Variants in TENT4B observed in about 807,000 individuals in gnomAD.
TENT4B encodes terminal nucleotidyltransferase 4B.
A neutral mutation model predicts 75.0 loss-of-function variants in TENT4B; 10 were observed. The observed-to-expected ratio is 0.13, with a 90% confidence interval of 0.08 to 0.23. The LOEUF (loss-of-function observed/expected upper bound fraction) is 0.23. Ranked by LOEUF, TENT4B falls within the 10% of genes least tolerant of loss-of-function variation. The probability of loss-of-function intolerance (pLI) is 1.00; values close to 1 mark genes in which losing one functional copy is unlikely to be tolerated. For synonymous variants in TENT4B, 350 were observed against 357.7 expected (o/e 0.98, Z 0.24); for missense variants, 579 against 893.8 (o/e 0.65, Z 4.49).
At chr16:50,218,417 A>C (rs1198106996) in intron 5 of TENT4B, among the ~76,000 whole-genome samples, 1 of 150,770 alleles carries the variant, frequency 6.6e-6, no homozygotes, top group Admixed American at 6.6e-5. Context: ...GTTCACTGCC[A>C]CCTCCGCCTC....
In TENT4B at chr16:50,225,005, T is replaced by C. The variant is rs772428915; in HGVS notation, c.1612+11T>C. 6.2e-7 allele frequency: 1 copy of C among 1,612,272 alleles called. No individual in the cohort carries two copies. The highest frequency in any genetic ancestry group is 8.5e-7 in the Non-Finnish European group (1 of 1,178,550). On this transcript the variant is annotated intron_variant, in intron 9 of 11. Transcript: ENST00000561678. Reference sequence around the variant, plus strand: ...AGCCTTCATGCAATGGTAAGATATTTTCCTTGGTCGATTGACTGAGTATTA... The same window carrying C: ...AGCCTTCATGCAATGGTAAGATATTCTCCTTGGTCGATTGACTGAGTATTA...
intron 1 of TENT4B, among the ~76,000 whole-genome samples, chr16:50,195,045 G>A (rs969513228): frequency 1.3e-5 from 2 of 151,982 alleles, no homozygotes; most frequent in Non-Finnish European, 2.9e-5. Context: ...CACTGCACCC[G>A]GCCTGGCTAA....
intron 1 of TENT4B, among the ~76,000 whole-genome samples, chr16:50,186,236 A>G (rs908745648): frequency 1.3e-5 from 2 of 151,996 alleles, no homozygotes; most frequent in Non-Finnish European, 2.9e-5. Context: ...GATGCTGGCA[A>G]TCACCATTCT....
Position 50,232,544 on chromosome 16 carries a change from G to A in TENT4B, c.*3216G>A, listed in dbSNP as rs140891863. ...CTGCTCCTTCCCTCCCCCATGAAAT[G>A]GTAAGTGTGACTTGTGTTTGCCTGA... On this transcript the variant is annotated 3_prime_UTR_variant, in exon 12 of 12. Transcript: ENST00000561678. The A allele has an allele frequency of 2.0e-6, 2 of 985,176 alleles. No homozygotes were observed. Among genetic ancestry groups the A allele is most frequent in the Non-Finnish European group, 2.4e-6 (2 of 829,926 alleles). The allele number at this position is 985,176 out of a possible 1,614,324, so 61.0% of individuals were successfully genotyped here. A position where few individuals can be genotyped will look rare whatever the true frequency, so the allele number is the denominator to read the frequency against.
chr16:50,194,897 C>T lies in TENT4B; in HGVS notation c.639-16426C>T, dbSNP rs530039846. ...CCAAGTAGCTGGGACTACAGGCGCC[C>T]GCCACCATGCCCGGCTAATTTTTTG... On this transcript the variant is annotated intron_variant, in intron 1 of 11. Transcript: ENST00000561678. Among the ~76,000 whole-genome samples, 14 of 151,560 alleles carry T rather than the reference C, an allele frequency of 9.2e-5. No homozygotes were observed. In the South Asian group the frequency reaches 1.3e-3, roughly 14 times the overall value.
Position 50,225,299 on chromosome 16 carries a change from C to A in TENT4B, c.1800+14C>A, listed in dbSNP as rs758594065. 1.3e-6 allele frequency: 2 copies of A among 1,596,880 alleles called. No individual in the cohort carries two copies. Among genetic ancestry groups the A allele is most frequent in the Non-Finnish European group, 1.7e-6 (2 of 1,169,932 alleles). ...TCTAGTGATGTAGTAAGTATGAAAG[C>A]CTCGGCTCTTCTGAACTCAGATGCA... is the stretch of plus-strand genomic sequence containing the variant. On this transcript the variant is annotated intron_variant, in intron 10 of 11. Transcript: ENST00000561678.
chr16:50,213,339 G>A (rs557914859), intron 2 of TENT4B, among the ~76,000 whole-genome samples: 6 of 152,290 alleles, frequency 3.9e-5, no homozygotes, highest in South Asian at 2.1e-4. Flanking sequence ...GATTACAGGC[G>A]TGAGCCACTG....
intron 1 of TENT4B, among the ~76,000 whole-genome samples, chr16:50,192,549 T>C (rs1402666303): frequency 6.6e-6 from 1 of 152,220 alleles, no homozygotes; most frequent in East Asian, 1.9e-4. Flanking sequence ...CAAGTTACTG[T>C]TGAATATATT....
intron 1 of TENT4B, among the ~76,000 whole-genome samples, chr16:50,190,248 T>C (rs914384636): frequency 6.6e-6 from 1 of 152,102 alleles, no homozygotes; most frequent in Admixed American, 6.5e-5. Context: ...CTACATGATA[T>C]CTACTTGAGC....
chr16:50,164,725 T>C (rs2038066690), intron 1 of TENT4B, among the ~76,000 whole-genome samples: 1 of 152,120 alleles, frequency 6.6e-6, no homozygotes, highest in Non-Finnish European at 1.5e-5. Flanking sequence ...ATTGTGGATA[T>C]ACTTTTTTGA....
Position 50,222,417 on chromosome 16 carries a change from G to A in TENT4B, c.1150G>A (p.Ala384Thr). Residue 384 changes from alanine to threonine, a missense_variant, in exon 6 of 12, where the codon GCA (alanine) becomes ACA (threonine). Physicochemically the swap from Ala to Thr is moderately conservative, Grantham distance 58. Transcript: ENST00000561678. ...GIGSYSLFLMAVSFLQLHPRE... is the reference protein window; with the variant it reads ...GIGSYSLFLMTVSFLQLHPRE... ...TGGTTCTTATAGTCTCTTTTTAATGGCAGTCAGTTTCCTTCAGGTAAGTCA... is the reference window on the plus strand; with the variant it reads ...TGGTTCTTATAGTCTCTTTTTAATGACAGTCAGTTTCCTTCAGGTAAGTCA... The A allele has an allele frequency of 6.2e-7, 1 of 1,613,300 alleles. No individual in the cohort carries two copies. Among genetic ancestry groups the A allele is most frequent in the Non-Finnish European group, 8.5e-7 (1 of 1,179,616 alleles).
chr16:50,172,245 C>G (rs1373108932), intron 1 of TENT4B, among the ~76,000 whole-genome samples: 1 of 151,676 alleles, frequency 6.6e-6, no homozygotes, highest in African/African-American at 2.4e-5. Context: ...ATCCCAGCTG[C>G]TTGCTAAACT....
intron 3 of TENT4B, 44 bp from the exon 4 acceptor site, chr16:50,216,031 T>C (rs1455767916): frequency 1.2e-6 from 2 of 1,609,456 alleles, no homozygotes; most frequent in Admixed American, 1.7e-5. Context: ...TAAAACAAGT[T>C]TCCAACTTCT....
chr16:50,211,601 A>T lies in TENT4B; in HGVS notation c.762+155A>T, dbSNP rs140817660. 2.0e-4 allele frequency among the ~76,000 whole-genome samples: 31 copies of T among 152,326 alleles called. No homozygotes were observed. In the East Asian group the frequency reaches 6.0e-3, roughly 29 times the overall value. On this transcript the variant is annotated intron_variant, in intron 2 of 11. Transcript: ENST00000561678. Reference sequence around the variant, plus strand: ...ATTTTAAAGGCAAACAATTTTCTGCAGTCTTTAGAATTGAGGCTTCCTAAC... The same window carrying T: ...ATTTTAAAGGCAAACAATTTTCTGCTGTCTTTAGAATTGAGGCTTCCTAAC...
chr16:50,159,547 G>A (rs918660641), intron 1 of TENT4B, among the ~76,000 whole-genome samples: 7 of 151,858 alleles, frequency 4.6e-5, no homozygotes, highest in African/African-American at 1.5e-4. Context: ...GCCTCTCTCT[G>A]CTTATTTCTA....
At chr16:50,174,830 G>T (rs990911784) in intron 1 of TENT4B, among the ~76,000 whole-genome samples, 1 of 138,410 alleles carries the variant, frequency 7.2e-6, no homozygotes, top group African/African-American at 2.7e-5. Context: ...TGCAGCTTCC[G>T]CCTCCCAGGT....
At chr16:50,220,383 T>A (rs1305487903) in intron 5 of TENT4B, among the ~76,000 whole-genome samples, 1 of 152,002 alleles carries the variant, frequency 6.6e-6, no homozygotes, top group Non-Finnish European at 1.5e-5. Context: ...TCTTGCTATG[T>A]TGCCCAAGCT....
At chr16:50,220,775 C>T (rs956262265) in intron 5 of TENT4B, among the ~76,000 whole-genome samples, 5 of 152,046 alleles carry the variant, frequency 3.3e-5, no homozygotes, top group African/African-American at 7.2e-5. Context: ...GAGATCCACC[C>T]GCCTCAGCCT....
At chr16:50,194,744 A>ATTTT (rs34176224) in intron 1 of TENT4B, among the ~76,000 whole-genome samples, 2 of 69,402 alleles carry the variant, frequency 2.9e-5, no homozygotes, top group Admixed American at 1.9e-4. Context: ...TGCTTGGCTA[A>ATTTT]TTTTTTTTTT....
Sources: gnomAD v4.1 joint callset for allele counts (sites outside exome capture counted in the v4.1 genomes callset) on GRCh38, gnomAD v4.1.1 for gene constraint, MANE v1.5 for transcripts, NCBI Gene and HGNC (gene_info 2026-07-23, HGNC 2026-07-21) for gene names.